The following SIGLEC1 variants were observed in gnomAD, a reference collection of about 807,000 sequenced individuals.
The protein encoded by SIGLEC1 is sialoadhesin.
SIGLEC1 carries 132 observed loss-of-function variants against 148.0 expected under a neutral mutation model. The ratio of observed to expected loss-of-function variants is 0.89; its 90% CI spans 0.77 to 1.03. The LOEUF (loss-of-function observed/expected upper bound fraction) is 1.03, where lower values mean the gene tolerates loss of function less well. Ranked by LOEUF, SIGLEC1 falls within the 50% of genes least tolerant of loss-of-function variation. SIGLEC1 has a pLI of 0.00. For synonymous variants in SIGLEC1, 945 were observed against 969.0 expected (o/e 0.98, Z 0.46); for missense variants, 2,253 against 2,271.4 (o/e 0.99, Z 0.16).
chr20:3,699,360 A>G lies in SIGLEC1; in HGVS notation c.1628T>C (p.Phe543Ser), dbSNP rs533868241. Residue 543 changes from phenylalanine to serine, a missense_variant, in exon 8 of 22, where the codon TTC becomes TCC. Coordinates refer to ENST00000344754, the MANE Select transcript of SIGLEC1 (RefSeq NM_023068.4). Reference protein sequence around the residue: ...SGLSPTPDARFSWYLNGALLH... With the variant: ...SGLSPTPDARSSWYLNGALLH... ...CAGGGCTCCATTCAGGTACCAGGAG[A>G]AGCGGGCATCAGGTGTGGGGCTTAG... 1.8e-5 allele frequency: 29 copies of G among 1,609,080 alleles called. No homozygotes were observed. Among genetic ancestry groups the G allele is most frequent in the Non-Finnish European group, 1.4e-5 (16 of 1,178,504 alleles).
At chr20:3,709,067 AG>A (rs1421173414) in intron 1 of SIGLEC1, among the ~76,000 whole-genome samples, 2 of 151,102 alleles carry the variant, frequency 1.3e-5, no homozygotes, top group Admixed American at 6.6e-5. Flanking sequence ...AAAAAAAAAA[AG>A]GATATGAATC....
chr20:3,697,363 C>T (rs2087811496), intron 9 of SIGLEC1, 21 bp from the exon 10 acceptor site: 1 of 1,611,242 alleles, frequency 6.2e-7, no homozygotes, highest in South Asian at 1.1e-5. Context: ...GGCGGCACAG[C>T]TTACTGACCA....
Position 3,706,553 on chromosome 20 carries a change from T to C in SIGLEC1, c.203A>G (p.Gln68Arg). The stretch of plus-strand genomic sequence containing the variant: ...GGGGTCCGCCGAGTGGCTCACCACC[T>C]GCCGCTGGCCCGAGTAGTCGTAGTA... ...IWYYDYSGQR[Q>R]VVSHSADPKL... The change falls in exon 3 of 22, where the codon CAG (glutamine) becomes CGG (arginine). Residue 68 changes from glutamine to arginine, a missense_variant. By Grantham distance (43) the Gln-to-Arg change is conservative (BLOSUM62 1). Transcript: ENST00000344754. 1.2e-6 allele frequency: 2 copies of C among 1,613,004 alleles called. No homozygotes were observed. Among genetic ancestry groups the C allele is most frequent in the Non-Finnish European group, 1.7e-6 (2 of 1,179,890 alleles).
chr20:3,710,251 G>C lies in SIGLEC1; in HGVS notation c.-110+2219C>G, dbSNP rs575814471. On this transcript the variant is annotated intron_variant, in intron 1 of 21. Coordinates refer to ENST00000344754, the MANE Select transcript of SIGLEC1 (RefSeq NM_023068.4). This position sits in a 1 kb window ranked among gnomAD's most constrained non-coding sequence, Gnocchi z 4.6. ...TACCAGGGGTCACACCTGGGAAGGG[G>C]GTGAGCCGAGGCCCAGGGCCAGTCA... 6.6e-5 allele frequency among the ~76,000 whole-genome samples: 10 copies of C among 152,266 alleles called. No homozygotes were observed. The South Asian group carries it at 2.1e-3, about 32-fold the overall frequency.
rs750988916 is a variant in SIGLEC1, at chr20:3,696,694, G to A, written c.2575C>T (p.Leu859=). 9 of 1,613,696 alleles carry A rather than the reference G, an allele frequency of 5.6e-6. No homozygotes were observed. The South Asian group carries it at 7.7e-5, about 14-fold the overall frequency. Reference sequence around the variant, plus strand: ...CCCAGTTCTCGGACCTCTAACTTCAGGGAGTTGGCCTCAGCTTTAGCCTGG... The same window carrying A: ...CCCAGTTCTCGGACCTCTAACTTCAAGGAGTTGGCCTCAGCTTTAGCCTGG... ...RFQAKAEANS[L]KLEVRELGLG... Residue 859 remains leucine, a synonymous_variant, in exon 11 of 22, where the codon CTG becomes TTG. Coordinates refer to ENST00000344754, the MANE Select transcript of SIGLEC1 (RefSeq NM_023068.4).
Position 3,694,315 on chromosome 20 carries a change from G to A in SIGLEC1, c.3162C>T (p.Ile1054=). 1 of 1,613,120 alleles carries A rather than the reference G, an allele frequency of 6.2e-7. No homozygotes were observed. The highest frequency in any genetic ancestry group is 8.5e-7 in the Non-Finnish European group (1 of 1,180,022). The change falls in exon 13 of 22, where the codon ATC becomes ATT. Residue 1054 remains isoleucine (I), a synonymous_variant. Coordinates refer to ENST00000344754, the MANE Select transcript of SIGLEC1 (RefSeq NM_023068.4). Reference sequence around the variant, plus strand: ...CCTCATCCTCCAGCATAGCCCCGTGGATCTCCAGACGCAGTGTGTTGGGGG... The same window carrying A: ...CCTCATCCTCCAGCATAGCCCCGTGAATCTCCAGACGCAGTGTGTTGGGGG... ...AVAPNTLRLE[I]HGAMLEDEGV...
Position 3,697,873 on chromosome 20 carries a change from C to A in SIGLEC1, c.2047G>T (p.Glu683Ter). 6.2e-7 allele frequency: 1 copy of A among 1,613,170 alleles called. No individual in the cohort carries two copies. The change falls in exon 9 of 22, where the codon GAG becomes TAG. Residue 683 changes from glutamate to a stop codon, truncating the protein, a stop_gained. Transcript: ENST00000344754. LOFTEE classifies it high-confidence loss of function. ...GCCTCACAGAGGTACAAGCCCTCCT[C>A]TTCCAGCAAAGGGTTGTGAATCTCC... ...RVEIHNPLLE[E>*]EGLYLCEASN...
intron 4 of SIGLEC1, 92 bp downstream of exon 4, chr20:3,705,652 A>G: frequency 2.9e-6 from 4 of 1,391,734 alleles, no homozygotes; most frequent in South Asian, 1.3e-5. Flanking sequence ...ATCAGGAGCA[A>G]GGGTTCCGTT....
chr20:3,706,027 C>T lies in SIGLEC1; in HGVS notation c.423G>A (p.Val141=). 2.5e-6 allele frequency: 4 copies of T among 1,612,934 alleles called. No individual in the cohort carries two copies. Among genetic ancestry groups the T allele is most frequent in the Non-Finnish European group, 3.4e-6 (4 of 1,179,672 alleles). Residue 141 remains valine (V), a synonymous_variant, in exon 4 of 22, where the codon GTG becomes GTA. Coordinates refer to ENST00000344754, the MANE Select transcript of SIGLEC1 (RefSeq NM_023068.4). The part of the protein sequence containing the change: ...TLVTVTEEPR[V]PTIASPVELL... ...GCTCCACCGGGGAGGCAATGGTGGG[C>T]ACCCTGGGCTCCTCTGAGGACAGAG...
chr20:3,711,010 G>GCCCCGCC (rs956828555), intron 1 of SIGLEC1, among the ~76,000 whole-genome samples: 6 of 152,154 alleles, frequency 3.9e-5, no homozygotes, highest in African/African-American at 1.4e-4. Context: ...AGGGGACAGT[G>GCCCCGCC]CCCCGCCCCC....
chr20:3,703,749 CCT>C, intron 5 of SIGLEC1, 74 bp downstream of exon 5: 2 of 1,578,340 alleles, frequency 1.3e-6, no homozygotes, highest in Non-Finnish European at 1.7e-6. Context: ...CCTGCCCTGC[CCT>C]GTCTCCCCTC....
At chr20:3,692,309 C>A in intron 16 of SIGLEC1, 107 bp from the exon 17 acceptor site, 1 of 1,266,560 alleles carries the variant, frequency 7.9e-7, no homozygotes, top group Admixed American at 2.7e-5. Context: ...CCAATGGCCA[C>A]TTCCTAGAAG....
At chr20:3,689,457 T>C in intron 20 of SIGLEC1, 143 bp downstream of exon 20, 1 of 665,188 alleles carries the variant, frequency 1.5e-6, no homozygotes, top group Non-Finnish European at 2.6e-6. Flanking sequence ...CTAGAAGGGA[T>C]TTCCAATTTG....
At chr20:3,696,129 T>TATATATATATATACAC (rs11087599) in intron 11 of SIGLEC1, among the ~76,000 whole-genome samples, 7 of 142,510 alleles carry the variant, frequency 4.9e-5, no homozygotes, top group African/African-American at 1.9e-4. Context: ...ACTATATATA[T>TATATATATATATACAC]ACACACACAC....
intron 13 of SIGLEC1, 118 bp from the exon 14 acceptor site, chr20:3,693,816 G>C: frequency 1.9e-6 from 2 of 1,064,406 alleles, no homozygotes; most frequent in South Asian, 2.0e-5. Context: ...GCCTTTGGGA[G>C]CCTTGGGTGG....
intron 1 of SIGLEC1, among the ~76,000 whole-genome samples, chr20:3,711,663 C>A (rs1248455901): frequency 6.6e-6 from 1 of 152,184 alleles, no homozygotes; most frequent in Non-Finnish European, 1.5e-5. Flanking sequence ...GTGGAAATCC[C>A]CAATCACAGG....
At chr20:3,691,109 G>A (rs1476907115) in intron 18 of SIGLEC1, among the ~76,000 whole-genome samples, 1 of 152,128 alleles carries the variant, frequency 6.6e-6, no homozygotes, top group Non-Finnish European at 1.5e-5. Context: ...GGGATTACAG[G>A]CATAAGCCCC....
intron 4 of SIGLEC1, 111 bp downstream of exon 4, chr20:3,705,633 T>C (rs1870736752): frequency 1.6e-6 from 2 of 1,222,700 alleles, no homozygotes; most frequent in South Asian, 2.8e-5. Context: ...AGGAGCAGCC[T>C]GGTTTTGCAT....
At position 3,703,967 on chromosome 20, in the gene SIGLEC1, G is replaced by A; in HGVS notation, c.831C>T (p.Leu277=). ...SYPAVSSIKW[L]KDGVRLQTKT... ...TGGTTTGGAGGCGTACCCCATCCTT[G>A]AGCCACTTAATGGAACTGACTGCAG... The change falls in exon 5 of 22, where the codon CTC becomes CTT. Residue 277 remains leucine (L), a synonymous_variant. Coordinates refer to ENST00000344754, the MANE Select transcript of SIGLEC1 (RefSeq NM_023068.4). 6.2e-7 allele frequency: 1 copy of A among 1,612,754 alleles called. No individual in the cohort carries two copies. The highest frequency in any genetic ancestry group is 1.1e-5 in the South Asian group (1 of 90,958).
Sources: allele counts gnomAD v4.1 joint callset (sites outside exome capture counted in the v4.1 genomes callset), GRCh38; gene constraint gnomAD v4.1.1; non-coding constraint Gnocchi (gnomAD v3.1); transcripts MANE v1.5; gene names NCBI Gene and HGNC (gene_info 2026-07-23, HGNC 2026-07-21).